The following PARD3 variants were observed in gnomAD, a reference collection of about 807,000 sequenced individuals.
PARD3 encodes the protein partitioning defective 3 homolog.
A neutral mutation model predicts 155.4 loss-of-function variants in PARD3; 75 were observed. The observed-to-expected ratio is 0.48, with a 90% CI of 0.40 to 0.58. The LOEUF (loss-of-function observed/expected upper bound fraction) is 0.58, where lower values mean the gene tolerates loss of function less well. Ranked by LOEUF, PARD3 falls within the 20% of genes least tolerant of loss-of-function variation. The pLI is 0.00. For missense variants in PARD3, 1,642 were observed against 1,721.7 expected (o/e 0.95, Z 0.82); for synonymous variants, 576 against 610.5 (o/e 0.94, Z 0.83).
intron 2 of PARD3, among the ~76,000 whole-genome samples, chr10:34,674,198 A>T (rs1304042469): frequency 1.3e-5 from 2 of 152,210 alleles, no homozygotes; most frequent in East Asian, 3.9e-4. Context: ...GAACGACTGT[A>T]TAAAAAGCAC....
intron 21 of PARD3, among the ~76,000 whole-genome samples, chr10:34,282,341 T>C (rs1956199310): frequency 1.3e-5 from 2 of 152,312 alleles, no homozygotes; most frequent in Admixed American, 6.5e-5. Flanking sequence ...AAATTCATTA[T>C]GATCAACCTA....
At chr10:34,197,349 C>T (rs1057093311) in intron 22 of PARD3, among the ~76,000 whole-genome samples, 3 of 152,120 alleles carry the variant, frequency 2.0e-5, no homozygotes, top group Non-Finnish European at 2.9e-5. Flanking sequence ...AACCTTCCCC[C>T]GACTGGTTTT....
chr10:34,655,150 TCCTA>T (rs1052197828), intron 2 of PARD3, among the ~76,000 whole-genome samples: 3 of 151,484 alleles, frequency 2.0e-5, no homozygotes, highest in African/African-American at 7.3e-5. Flanking sequence ...TGCTCTGCAA[TCCTA>T]CCTGTGTTAT....
At chr10:34,355,754 C>T (rs1420063704) in intron 14 of PARD3, among the ~76,000 whole-genome samples, 1 of 151,632 alleles carries the variant, frequency 6.6e-6, no homozygotes, top group African/African-American at 2.4e-5. Context: ...TGGTGAAACC[C>T]CATCTCTACC....
intron 2 of PARD3, among the ~76,000 whole-genome samples, chr10:34,605,673 C>T (rs1425567807): frequency 5.7e-5 from 3 of 52,502 alleles, no homozygotes; most frequent in Non-Finnish European, 9.5e-5. Flanking sequence ...TATATATCTC[C>T]TATATATATA....
In PARD3 at chr10:34,615,870, G is replaced by A. The variant is rs1462201960; in HGVS notation, c.222+80448C>T. On this transcript the variant is annotated intron_variant, in intron 2 of 24. Coordinates refer to ENST00000374788, the MANE Select transcript of PARD3 (RefSeq NM_001184785.2). ...CAACATCATTATTCATAAGAAAAAC[G>A]CAAATCAAAACCACACTGTGATGTC... Among the ~76,000 whole-genome samples, 8 of 152,136 alleles carry A rather than the reference G, an allele frequency of 5.3e-5. No homozygotes were observed. The East Asian group carries it at 5.8e-4, about 11-fold the overall frequency.
At position 34,382,565 on chromosome 10, in the gene PARD3, C is replaced by T; in HGVS notation, c.1374G>A (p.Lys458=). The T allele has an allele frequency of 6.2e-7, 1 of 1,613,228 alleles. No individual in the cohort carries two copies. Residue 458 remains lysine (K), a synonymous_variant, in exon 9 of 25, where the codon AAG becomes AAA. Transcript: ENST00000374788. ...SSGYNTKKIG[K]RLNIQLKKGT... ...CTTTCTTAAGCTGGATATTAAGCCT[C>T]TTGCCTATTTTTTTGGTGTTATAAC...
At chr10:34,234,860 T>C (rs1424006408) in intron 22 of PARD3, among the ~76,000 whole-genome samples, 1 of 152,158 alleles carries the variant, frequency 6.6e-6, no homozygotes, top group Non-Finnish European at 1.5e-5. Context: ...CCACAAATAA[T>C]TGGTAAAAAC....
rs574313932 is a variant in PARD3, at chr10:34,323,874, G to A, written c.2834-6536C>T. Among the ~76,000 whole-genome samples the A allele has an allele frequency of 7.9e-5, 12 of 152,174 alleles. No homozygotes were observed. The East Asian group carries it at 1.2e-3, about 15-fold the overall frequency. On this transcript the variant is annotated intron_variant, in intron 19 of 24. Transcript: ENST00000374788. ...CAACTGATTTTAACATTCAAATGACGGCCCACAGTGGATGCTGTTTTCTGT... is the reference window on the plus strand; with the variant it reads ...CAACTGATTTTAACATTCAAATGACAGCCCACAGTGGATGCTGTTTTCTGT...
chr10:34,221,301 T>G (rs1017715207), intron 22 of PARD3, among the ~76,000 whole-genome samples: 1 of 151,956 alleles, frequency 6.6e-6, no homozygotes, highest in Admixed American at 6.6e-5. Flanking sequence ...GAGCGCAAGC[T>G]TCCCATGGAC....
chr10:34,698,236 C>T (rs1221619096), intron 1 of PARD3, among the ~76,000 whole-genome samples: 1 of 152,196 alleles, frequency 6.6e-6, no homozygotes, highest in Non-Finnish European at 1.5e-5. Flanking sequence ...TTATCTGCAG[C>T]CTTTATATAA....
At chr10:34,389,115 A>G (rs1842632405) in intron 7 of PARD3, among the ~76,000 whole-genome samples, 1 of 152,086 alleles carries the variant, frequency 6.6e-6, no homozygotes, top group Non-Finnish European at 1.5e-5. Flanking sequence ...ATTTTCTTCA[A>G]AATTTGAAAA....
At chr10:34,165,088 T>TA (rs61566296) in intron 22 of PARD3, among the ~76,000 whole-genome samples, 10,775 of 147,378 alleles carry the variant, frequency 0.073, 980 homozygotes, top group East Asian at 0.3. Flanking sequence ...AGATACAGAC[T>TA]AAAAAAAAAA....
At chr10:34,299,079 T>C (rs1282712963) in intron 20 of PARD3, among the ~76,000 whole-genome samples, 4 of 152,198 alleles carry the variant, frequency 2.6e-5, no homozygotes, top group Admixed American at 6.5e-5. Context: ...TTCAGATCAA[T>C]ACCTAACTTG....
At position 34,384,115 on chromosome 10, in the gene PARD3, G is replaced by A. The variant is rs375315880; in HGVS notation, c.1016+14C>T. 199 of 1,611,338 alleles carry A rather than the reference G, an allele frequency of 1.2e-4. No homozygotes were observed. The highest frequency in any genetic ancestry group is 6.6e-4 in the Middle Eastern group (4 of 6,076). Reference sequence around the variant, plus strand: ...ATGCAAGTAAGAACAGAAGTGCAGCGAGCACACACTTACTGTTCAAATCTT... The same window carrying A: ...ATGCAAGTAAGAACAGAAGTGCAGCAAGCACACACTTACTGTTCAAATCTT... On this transcript the variant is annotated intron_variant, in intron 8 of 24. Coordinates refer to ENST00000374788, the MANE Select transcript of PARD3 (RefSeq NM_001184785.2).
At chr10:34,687,305 T>C (rs1258795634) in intron 2 of PARD3, among the ~76,000 whole-genome samples, 2 of 152,088 alleles carry the variant, frequency 1.3e-5, no homozygotes, top group African/African-American at 4.8e-5. Flanking sequence ...AGGATGGAAA[T>C]GTGCCCCTGT....
intron 22 of PARD3, among the ~76,000 whole-genome samples, chr10:34,134,031 C>T (rs973566954): frequency 6.6e-6 from 1 of 152,216 alleles, no homozygotes; most frequent in Non-Finnish European, 1.5e-5. Context: ...AATTGGGCTG[C>T]TTGACGACAC....
chr10:34,404,391 G>A (rs118106309), intron 5 of PARD3, among the ~76,000 whole-genome samples: 3,684 of 152,282 alleles, frequency 0.024, 62 homozygotes, highest in Middle Eastern at 0.048. Flanking sequence ...TACTGGCCGG[G>A]TGAGGTGGCT....
intron 22 of PARD3, among the ~76,000 whole-genome samples, chr10:34,147,367 A>T (rs1481029136): frequency 6.6e-6 from 1 of 152,124 alleles, no homozygotes; most frequent in Non-Finnish European, 1.5e-5. Flanking sequence ...ACTGCAGCTG[A>T]TTAAAATGAG....
Sources: gnomAD v4.1 joint callset for allele counts (sites outside exome capture counted in the v4.1 genomes callset) on GRCh38, gnomAD v4.1.1 for gene constraint, MANE v1.5 for transcripts, NCBI Gene and HGNC (gene_info 2026-07-23, HGNC 2026-07-21) for gene names.